The following XXYLT1 variants were observed in gnomAD, a reference collection of about 807,000 sequenced individuals.
XXYLT1 encodes the protein UDP-xylose:alpha-xyloside alpha-1,3-xylosyltransferase.
Under a neutral mutation model 28.9 loss-of-function variants are expected in XXYLT1, and 20 were observed. That is an observed-to-expected ratio of 0.69 (90% CI 0.49 to 1.00). The LOEUF is 1.00. Among genes scored for constraint, XXYLT1 ranks in the 50% least tolerant of loss-of-function variants. The probability of loss-of-function intolerance (pLI) is 0.00; values close to 1 mark genes in which losing one functional copy is unlikely to be tolerated. For missense variants in XXYLT1, 542 were observed against 560.1 expected, an observed-to-expected ratio of 0.97 and a Z score of 0.33; for synonymous variants, 257 against 253.8, an observed-to-expected ratio of 1.01 and a Z score of -0.12.
chr3:195,164,769 G>T (rs1052471576), intron 2 of XXYLT1, among the ~76,000 whole-genome samples: 3 of 152,224 alleles, frequency 2.0e-5, no homozygotes, highest in African/African-American at 4.8e-5. Context: ...GTTCCATTCT[G>T]ACACTGAAAA....
rs567228665 is a variant in XXYLT1, at chr3:195,270,372, G to C, written c.504+183C>G. On this transcript the variant is annotated intron_variant, in intron 1 of 3. Transcript: ENST00000310380. ...CCACTCCTCAGCACCAGCTGAGGGC[G>C]TCTGGCTCCCGGACACGCCCCCGAA... is the stretch of plus-strand genomic sequence containing the variant. 58 of 946,776 alleles carry C rather than the reference G, an allele frequency of 6.1e-5. No individual in the cohort carries two copies. The East Asian group carries it at 3.6e-3, about 59-fold the overall frequency. The allele number at this position is 946,776 out of a possible 1,614,324, so 58.6% of individuals were successfully genotyped here.
chr3:195,248,374 G>A (rs955004497), intron 1 of XXYLT1, among the ~76,000 whole-genome samples: 2 of 152,176 alleles, frequency 1.3e-5, no homozygotes, highest in African/African-American at 2.4e-5. Flanking sequence ...TAACTGAATC[G>A]TGCGGGCAGG....
intron 3 of XXYLT1, among the ~76,000 whole-genome samples, chr3:195,139,586 C>A (rs139984426): frequency 6.6e-6 from 1 of 152,170 alleles, no homozygotes. Flanking sequence ...GGGTCTGTGG[C>A]TTGTTCAGAG....
intron 2 of XXYLT1, among the ~76,000 whole-genome samples, chr3:195,174,674 T>G (rs1721570757): frequency 2.5e-5 from 3 of 119,030 alleles, no homozygotes; most frequent in South Asian, 3.3e-4. Context: ...CCTCCTTTCC[T>G]TCCCTCCCCC....
chr3:195,150,773 C>T lies in XXYLT1; in HGVS notation c.785+5676G>A, dbSNP rs1720165232. Among the ~76,000 whole-genome samples the T allele has an allele frequency of 6.6e-6, 1 of 151,666 alleles. No individual in the cohort carries two copies. Among genetic ancestry groups the T allele is most frequent in the East Asian group, 2.0e-4 (1 of 5,118 alleles). ...AACAAAGGGCCACAGCCCACATACG[C>T]ACACACTCACACACATATGCACACT... On this transcript the variant is annotated intron_variant, in intron 3 of 3. Transcript: ENST00000310380. This position sits in a 1 kb window ranked among gnomAD's most constrained non-coding sequence, Gnocchi z 4.7.
chr3:195,145,973 A>C (rs1458390967), intron 3 of XXYLT1, among the ~76,000 whole-genome samples: 1 of 152,238 alleles, frequency 6.6e-6, no homozygotes, highest in East Asian at 1.9e-4. Flanking sequence ...GAAGTCACCT[A>C]AGGCAGGAGG....
Position 195,078,451 on chromosome 3 carries a change from G to A in XXYLT1, c.786-8340C>T, listed in dbSNP as rs533706041. ...ACGGGCCTTCCAGCTAGTTCTGCAG[G>A]CCCACTGTGCCTCCTCCAGCCTCTC... On this transcript the variant is annotated intron_variant, in intron 3 of 3. Transcript: ENST00000310380. The surrounding 1 kb of genome is among the most constrained non-coding windows in gnomAD (Gnocchi z 5.0). Among the ~76,000 whole-genome samples, 7 of 152,090 alleles carry A rather than the reference G, an allele frequency of 4.6e-5. No individual in the cohort carries two copies. Among genetic ancestry groups the A allele is most frequent in the East Asian group, 1.9e-4 (1 of 5,144 alleles).
rs573912014 is a variant in XXYLT1 at position 195,155,827 on chromosome 3, C to T, written c.785+622G>A. Among the ~76,000 whole-genome samples the T allele has an allele frequency of 2.3e-4, 35 of 152,274 alleles. No individual in the cohort carries two copies. The South Asian group carries it at 6.2e-3, about 27-fold the overall frequency. ...TGTATAGCACTCAACTGAATGAATG[C>T]GTTTTATTTATCCATTCTGCTAAGT... is the stretch of plus-strand genomic sequence containing the variant. On this transcript the variant is annotated intron_variant, in intron 3 of 3. Transcript: ENST00000310380.
At chr3:195,254,907 C>T (rs1041806765) in intron 1 of XXYLT1, among the ~76,000 whole-genome samples, 8 of 152,210 alleles carry the variant, frequency 5.3e-5, no homozygotes, top group Admixed American at 2.0e-4. Context: ...AACAACTACC[C>T]CCCACCTCCC....
chr3:195,110,316 GGGTGAGGGTGAGGTGT>G (rs1560100767), intron 3 of XXYLT1, among the ~76,000 whole-genome samples: 18 of 1,758 alleles, frequency 0.01, 3 homozygotes, highest in African/African-American at 0.023. Flanking sequence ...ATGTGTGTGT[GGGTGAGGGTGAGGTGT>G]GTGTATGTGT....
intron 1 of XXYLT1, among the ~76,000 whole-genome samples, chr3:195,230,938 G>A (rs1389146778): frequency 6.6e-6 from 1 of 151,870 alleles, no homozygotes; most frequent in Non-Finnish European, 1.5e-5. Context: ...ATTTTGATTG[G>A]GATTGCATTG....
At chr3:195,250,855 T>C (rs530637789) in intron 1 of XXYLT1, among the ~76,000 whole-genome samples, 1 of 152,252 alleles carries the variant, frequency 6.6e-6, no homozygotes, top group African/African-American at 2.4e-5. Context: ...ACACCCAAGT[T>C]CCCAGGACAG....
At chr3:195,220,388 C>T (rs1723771528) in intron 2 of XXYLT1, among the ~76,000 whole-genome samples, 1 of 152,210 alleles carries the variant, frequency 6.6e-6, no homozygotes, top group African/African-American at 2.4e-5. Flanking sequence ...AGATGATCCG[C>T]CCGCCTCGGT....
chr3:195,077,162 G>A lies in XXYLT1; in HGVS notation c.786-7051C>T, dbSNP rs529971779. Among the ~76,000 whole-genome samples, 7 of 152,288 alleles carry A rather than the reference G, an allele frequency of 4.6e-5. No individual in the cohort carries two copies. Among genetic ancestry groups the A allele is most frequent in the African/African-American group, 1.2e-4 (5 of 41,548 alleles). On this transcript the variant is annotated intron_variant, in intron 3 of 3. Coordinates refer to ENST00000310380, the MANE Select transcript of XXYLT1 (RefSeq NM_152531.5). This position sits in a 1 kb window ranked among gnomAD's most constrained non-coding sequence, Gnocchi z 4.8. The stretch of plus-strand genomic sequence containing the variant: ...GGAGACAGAATGACCCACAGTGGGC[G>A]GGGCAGCCTCTGTCCAGGGAAAGGC...
At chr3:195,156,247 T>C (rs2108682453) in intron 3 of XXYLT1, among the ~76,000 whole-genome samples, 1 of 152,290 alleles carries the variant, frequency 6.6e-6, no homozygotes, top group South Asian at 2.1e-4. Context: ...TCCAACAAAA[T>C]AATGAGGTAG....
intron 2 of XXYLT1, among the ~76,000 whole-genome samples, chr3:195,202,415 A>AG (rs1456835855): frequency 6.6e-6 from 1 of 152,070 alleles, no homozygotes; most frequent in East Asian, 1.9e-4. Context: ...AAAAAAAAAA[A>AG]AAAAAAAACT....
intron 1 of XXYLT1, among the ~76,000 whole-genome samples, chr3:195,244,657 G>A (rs1264170516): frequency 6.7e-6 from 1 of 149,854 alleles, no homozygotes; most frequent in African/African-American, 2.5e-5. Context: ...AGCTACTCGG[G>A]AGGCTGAGGC....
intron 2 of XXYLT1, among the ~76,000 whole-genome samples, chr3:195,196,651 G>GA (rs1722637208): frequency 6.6e-6 from 1 of 152,136 alleles, no homozygotes; most frequent in African/African-American, 2.4e-5. Flanking sequence ...GTTTAAATCT[G>GA]AAAAAATAAC....
chr3:195,124,079 T>C lies in XXYLT1; in HGVS notation c.785+32370A>G, dbSNP rs1298169780. ...TAGAAGAGGGGGAATAAAATGTACG[T>C]ATTTCTCAAACTTACTTGATCATTA... On this transcript the variant is annotated intron_variant, in intron 3 of 3. Transcript: ENST00000310380. This position sits in a 1 kb window ranked among gnomAD's most constrained non-coding sequence, Gnocchi z 4.1. Among the ~76,000 whole-genome samples the C allele has an allele frequency of 6.6e-6, 1 of 152,248 alleles. No homozygotes were observed. Among genetic ancestry groups the C allele is most frequent in the Non-Finnish European group, 1.5e-5 (1 of 68,048 alleles).
Sources: gnomAD v4.1 joint callset for allele counts (sites outside exome capture counted in the v4.1 genomes callset) on GRCh38, gnomAD v4.1.1 for gene constraint, Gnocchi (gnomAD v3.1) non-coding constraint, MANE v1.5 for transcripts, NCBI Gene and HGNC (gene_info 2026-07-23, HGNC 2026-07-21) for gene names.